The following BRCC3 variants were observed in gnomAD, a reference collection of about 807,000 sequenced individuals.
The protein encoded by BRCC3 is BRCA1/BRCA2-containing complex subunit 3.
In BRCC3, 15 loss-of-function variants were observed where a neutral mutation model predicts 28.0. The observed-to-expected ratio is 0.54, with a 90% CI of 0.36 to 0.82. The LOEUF (loss-of-function observed/expected upper bound fraction) is 0.82, where lower values mean the gene tolerates loss of function less well. Among genes scored for constraint, BRCC3 ranks in the 40% least tolerant of loss-of-function variants. The pLI, the probability that BRCC3 is intolerant of heterozygous loss-of-function variation, is 0.01. For missense variants in BRCC3, 109 were observed against 225.9 expected (o/e 0.48, Z 3.32); for synonymous variants, 66 against 80.3 (o/e 0.82, Z 0.95).
rs782541780 is a variant in BRCC3, at chrX:155,096,677, C to T, written c.548+5838C>T. Among the ~76,000 whole-genome samples the T allele has an allele frequency of 1.1e-4, 12 of 112,146 alleles. No homozygotes were observed. In the South Asian group the frequency reaches 4.4e-3, roughly 41 times the overall value. ...ATAAAATCATAAAATTCATATGAAA[C>T]TACAAAAGTTCCTGAATAGCCAAAG... is the stretch of plus-strand genomic sequence containing the variant. On this transcript the variant is annotated intron_variant, in intron 7 of 10. Coordinates refer to ENST00000330045, the MANE Select transcript of BRCC3 (RefSeq NM_001018055.3).
chrX:155,084,425 C>T (rs1389227721), intron 5 of BRCC3, among the ~76,000 whole-genome samples: 5 of 110,843 alleles, frequency 4.5e-5, no homozygotes, highest in East Asian at 2.9e-4. Context: ...TGCAGTGGCA[C>T]GATCTCAGCT....
At chrX:155,120,998 T>C (rs1180706564) in intron 10 of BRCC3, among the ~76,000 whole-genome samples, 2 of 111,831 alleles carry the variant, frequency 1.8e-5, no homozygotes, top group Non-Finnish European at 3.8e-5. Context: ...AAGGCTGTTT[T>C]TGGTTTTTGT....
chrX:155,122,747 G>A lies in BRCC3; in HGVS notation c.*1543G>A, dbSNP rs1310267398. ...AACAAAAAAAAAACCAGTCTCAAAT[G>A]GTCACATACTGTATGATCGCATTTA... On this transcript the variant is annotated 3_prime_UTR_variant, in exon 11 of 11. Coordinates refer to ENST00000330045, the MANE Select transcript of BRCC3 (RefSeq NM_001018055.3). The A allele has an allele frequency of 9.0e-6, 1 of 111,181 alleles. No individual in the cohort carries two copies. Among genetic ancestry groups the A allele is most frequent in the African/African-American group, 3.3e-5 (1 of 30,537 alleles). 9.2% of individuals were successfully genotyped at this position (111,181 alleles called of 1,213,427 possible). A position where few individuals can be genotyped will look rare whatever the true frequency, so the allele number is the denominator to read the frequency against.
Position 155,109,343 on chromosome X carries a change from A to G in BRCC3, c.549-6714A>G, listed in dbSNP as rs1557297880. Among the ~76,000 whole-genome samples the G allele has an allele frequency of 2.7e-5, 3 of 111,716 alleles. No individual in the cohort carries two copies. The East Asian group carries it at 8.3e-4, about 31-fold the overall frequency. On this transcript the variant is annotated intron_variant, in intron 7 of 10. Transcript: ENST00000330045. ...TTTTAAAATCGGTTTGTTGATTTCC[A>G]CAAGAAAACTTGCTGAAACATGTCA... is the stretch of plus-strand genomic sequence containing the variant.
intron 7 of BRCC3, among the ~76,000 whole-genome samples, chrX:155,102,550 A>G (rs1159287233): frequency 8.9e-6 from 1 of 111,748 alleles, no homozygotes; most frequent in Non-Finnish European, 1.9e-5. Context: ...TTTCTTTCCA[A>G]TGTGGATGCC....
At chrX:155,076,657 C>T (rs1557293684) in intron 3 of BRCC3, among the ~76,000 whole-genome samples, 2 of 111,147 alleles carry the variant, frequency 1.8e-5, no homozygotes, top group African/African-American at 3.3e-5. Context: ...GAAATCCACC[C>T]CTACAATCCA....
intron 7 of BRCC3, among the ~76,000 whole-genome samples, chrX:155,103,784 T>G (rs1557297146): frequency 9.0e-6 from 1 of 111,030 alleles, no homozygotes; most frequent in Non-Finnish European, 1.9e-5. Flanking sequence ...AACCATATAT[T>G]TGGCCACTTA....
At chrX:155,110,411 C>T (rs782510052) in intron 7 of BRCC3, among the ~76,000 whole-genome samples, 10 of 111,185 alleles carry the variant, frequency 9.0e-5, no homozygotes, top group Non-Finnish European at 1.1e-4. Context: ...TTTTCTGTAT[C>T]GTTTTAGTTT....
At chrX:155,098,165 G>A in intron 7 of BRCC3, among the ~76,000 whole-genome samples, 1 of 111,448 alleles carries the variant, frequency 9.0e-6, no homozygotes, top group Middle Eastern at 4.6e-3. Flanking sequence ...TTTATTTTCT[G>A]TCTTCCTAGT....
chrX:155,119,525 GCT>G (rs1239929039), intron 9 of BRCC3, among the ~76,000 whole-genome samples: 2 of 112,239 alleles, frequency 1.8e-5, no homozygotes, highest in Non-Finnish European at 3.8e-5. Context: ...CAAAAGAGGA[GCT>G]CTCAGGTGTA....
At chrX:155,071,706 C>T (rs782148647) in intron 1 of BRCC3, 56 bp downstream of exon 1, 169 of 1,160,767 alleles carry the variant, frequency 1.5e-4, no homozygotes, top group Middle Eastern at 1.2e-3. Flanking sequence ...AGTGTGTCCC[C>T]GGGGTGGGTG....
intron 7 of BRCC3, among the ~76,000 whole-genome samples, chrX:155,105,206 G>A (rs2074271068): frequency 8.9e-6 from 1 of 112,021 alleles, no homozygotes; most frequent in African/African-American, 3.3e-5. Flanking sequence ...GTGTTAGGTG[G>A]GCACAGTGGC....
intron 7 of BRCC3, among the ~76,000 whole-genome samples, chrX:155,110,384 A>G (rs1159180823): frequency 9.0e-6 from 1 of 111,598 alleles, no homozygotes; most frequent in Non-Finnish European, 1.9e-5. Context: ...TCTTTAAAAT[A>G]TGTAGGATTA....
intron 5 of BRCC3, among the ~76,000 whole-genome samples, chrX:155,083,172 A>T (rs782766670): frequency 2.2e-4 from 25 of 112,594 alleles, no homozygotes; most frequent in African/African-American, 8.1e-4. Context: ...CCATTTGTTG[A>T]ACAGATACCG....
Position 155,093,216 on chromosome X carries a change from G to GT in BRCC3, c.548+2383dup, listed in dbSNP as rs1441467926. ...TTTCAGCTCTGGGCAATTCTCTGTTGTTTTTTGTTTGTTTGTTTTGTATTC... is the reference window on the plus strand; with the variant it reads ...TTTCAGCTCTGGGCAATTCTCTGTTGTTTTTTTGTTTGTTTGTTTTGTATTC... On this transcript the variant is annotated intron_variant, in intron 7 of 10. Coordinates refer to ENST00000330045, the MANE Select transcript of BRCC3 (RefSeq NM_001018055.3). 6.3e-5 allele frequency among the ~76,000 whole-genome samples: 7 copies of GT among 111,018 alleles called. No homozygotes were observed. In the East Asian group the frequency reaches 1.4e-3, roughly 23 times the overall value.
At chrX:155,088,930 A>C (rs1380445453) in intron 5 of BRCC3, among the ~76,000 whole-genome samples, 1 of 112,004 alleles carries the variant, frequency 8.9e-6, no homozygotes, top group Non-Finnish European at 1.9e-5. Context: ...CTGTCCATCA[A>C]AAGGCTTTTT....
intron 7 of BRCC3, 103 bp from the exon 8 acceptor site, chrX:155,115,954 C>A: frequency 1.2e-6 from 1 of 822,102 alleles, no homozygotes; most frequent in Non-Finnish European, 1.7e-6. Context: ...AATGCTTAAT[C>A]TTTAAAGTAT....
intron 7 of BRCC3, among the ~76,000 whole-genome samples, chrX:155,115,724 C>T (rs1238300161): frequency 8.9e-6 from 1 of 112,011 alleles, no homozygotes; most frequent in Non-Finnish European, 1.9e-5. Context: ...CTGGCAACTT[C>T]TTGACTGAAG....
chrX:155,079,898 C>A (rs1256554258), intron 5 of BRCC3, among the ~76,000 whole-genome samples: 1 of 111,013 alleles, frequency 9.0e-6, no homozygotes, highest in Non-Finnish European at 1.9e-5. Context: ...CTATGAATTT[C>A]CTAAACACAA....
Sources: gnomAD v4.1 joint callset for allele counts (sites outside exome capture counted in the v4.1 genomes callset) on GRCh38, gnomAD v4.1.1 for gene constraint, MANE v1.5 for transcripts, NCBI Gene and HGNC (gene_info 2026-07-23, HGNC 2026-07-21) for gene names.